CYP2C19: variants seen among roughly 807,000 people sequenced by gnomAD.
CYP2C19 encodes the protein cytochrome P450 2C19.
In CYP2C19, 59 loss-of-function variants were observed where a neutral mutation model predicts 40.9. The observed-to-expected ratio is 1.44, with a 90% CI of 1.17 to 1.79. The LOEUF is 1.79. Ranked by LOEUF, CYP2C19 falls within the 40% of genes most tolerant of loss-of-function variation. The probability of loss-of-function intolerance (pLI) is 0.00; values close to 1 mark genes in which losing one functional copy is unlikely to be tolerated. For missense variants in CYP2C19, 754 were observed against 596.9 expected (o/e 1.26, Z -2.74); for synonymous variants, 253 against 208.7 (o/e 1.21, Z -1.83).
chr10:94,766,781 G>C (rs1564658291), intron 1 of CYP2C19, among the ~76,000 whole-genome samples: 1 of 152,042 alleles, frequency 6.6e-6, no homozygotes, highest in Admixed American at 6.5e-5. Context: ...GGTACTGCAG[G>C]TTCCTCAGGG....
intron 6 of CYP2C19, among the ~76,000 whole-genome samples, chr10:94,828,166 A>G (rs1849262296): frequency 6.6e-6 from 1 of 152,098 alleles, no homozygotes; most frequent in South Asian, 2.1e-4. Flanking sequence ...AGTTCTGTAG[A>G]TGCCTATTAG....
At chr10:94,797,164 C>G (rs1006348938) in intron 5 of CYP2C19, among the ~76,000 whole-genome samples, 14 of 151,884 alleles carry the variant, frequency 9.2e-5, no homozygotes, top group Middle Eastern at 3.2e-3. Context: ...TAGATACGTC[C>G]CATCAATACC....
chr10:94,798,766 T>C (rs946701705), intron 5 of CYP2C19, among the ~76,000 whole-genome samples: 1 of 151,974 alleles, frequency 6.6e-6, no homozygotes, highest in African/African-American at 2.4e-5. Context: ...GTTTTGTTCT[T>C]TGTTGGTTTA....
intron 6 of CYP2C19, among the ~76,000 whole-genome samples, chr10:94,822,476 G>T (rs934998979): frequency 6.6e-6 from 1 of 152,148 alleles, no homozygotes; most frequent in African/African-American, 2.4e-5. Context: ...GTCTACTGTT[G>T]ATGGGCACTT....
chr10:94,780,716 A>G, intron 4 of CYP2C19, 57 bp downstream of exon 4: 1 of 1,591,942 alleles, frequency 6.3e-7, no homozygotes, highest in South Asian at 1.1e-5. Flanking sequence ...TTTCTGGGAA[A>G]TCCAAAATTC....
intron 5 of CYP2C19, among the ~76,000 whole-genome samples, chr10:94,812,322 A>C (rs1286481199): frequency 6.6e-6 from 1 of 151,508 alleles, no homozygotes; most frequent in East Asian, 1.9e-4. Flanking sequence ...CCTTTCTTTT[A>C]ACCTTGGTGA....
At chr10:94,835,600 G>A (rs1394762707) in intron 6 of CYP2C19, among the ~76,000 whole-genome samples, 2 of 151,816 alleles carry the variant, frequency 1.3e-5, no homozygotes, top group Non-Finnish European at 2.9e-5. Flanking sequence ...TTTCCTTTCT[G>A]ATGACCCCAG....
At chr10:94,849,618 C>T (rs1849622022) in intron 7 of CYP2C19, among the ~76,000 whole-genome samples, 1 of 144,028 alleles carries the variant, frequency 6.9e-6, no homozygotes, top group South Asian at 2.4e-4. Context: ...TCTCCTAATG[C>T]TATCCCTCCC....
intron 4 of CYP2C19, among the ~76,000 whole-genome samples, 199 bp downstream of exon 4, chr10:94,780,858 A>C (rs1355385930): frequency 6.6e-6 from 1 of 152,160 alleles, no homozygotes; most frequent in Non-Finnish European, 1.5e-5. Context: ...AATATAGATC[A>C]GGCTTCTAAG....
At chr10:94,799,923 T>C (rs922842267) in intron 5 of CYP2C19, among the ~76,000 whole-genome samples, 9 of 152,258 alleles carry the variant, frequency 5.9e-5, no homozygotes, top group Admixed American at 3.3e-4. Context: ...TCAAGGTTTT[T>C]AGCTTTCTTA....
intron 6 of CYP2C19, among the ~76,000 whole-genome samples, chr10:94,821,888 C>T (rs1849128202): frequency 6.6e-6 from 1 of 151,638 alleles, no homozygotes; most frequent in Non-Finnish European, 1.5e-5. Flanking sequence ...ATTTCATCAC[C>T]CTGGCAGTAA....
chr10:94,829,839 G>A (rs1189426433), intron 6 of CYP2C19, among the ~76,000 whole-genome samples: 3 of 151,702 alleles, frequency 2.0e-5, no homozygotes. Flanking sequence ...TTTTGGTGTG[G>A]ATGTCCTTTC....
At chr10:94,839,284 C>A (rs552933077) in intron 6 of CYP2C19, among the ~76,000 whole-genome samples, 2 of 152,240 alleles carry the variant, frequency 1.3e-5, no homozygotes, top group South Asian at 4.1e-4. Context: ...CCCAACATTG[C>A]CTTTGCACTC....
rs779184961 is a variant in CYP2C19, at chr10:94,782,006, T to C, written c.819+9T>C. 1 of 1,534,068 alleles carries C rather than the reference T, an allele frequency of 6.5e-7. No homozygotes were observed. The highest frequency in any genetic ancestry group is 2.2e-5 in the Admixed American group (1 of 45,460). On this transcript the variant is annotated intron_variant, in intron 5 of 8. Coordinates refer to ENST00000371321, the MANE Select transcript of CYP2C19 (RefSeq NM_000769.4). ...TGATCAAAATGGAGAAGGTAAAATG[T>C]TAACAAAAGCTTAGTTATGTGACTG... is the stretch of plus-strand genomic sequence containing the variant.
At chr10:94,793,470 G>A (rs113532845) in intron 5 of CYP2C19, among the ~76,000 whole-genome samples, 7 of 152,206 alleles carry the variant, frequency 4.6e-5, no homozygotes, top group South Asian at 2.1e-4. Flanking sequence ...TTCTGCTCTC[G>A]TTACTCCCAT....
chr10:94,774,373 T>C (rs1449400324), intron 1 of CYP2C19: 1 of 152,208 alleles, frequency 6.6e-6, no homozygotes, highest in Non-Finnish European at 1.5e-5. Context: ...GTTATGATTA[T>C]TCCTCATAGG....
At chr10:94,821,656 G>A (rs1011481282) in intron 6 of CYP2C19, among the ~76,000 whole-genome samples, 15 of 152,010 alleles carry the variant, frequency 9.9e-5, no homozygotes, top group Non-Finnish European at 2.2e-4. Flanking sequence ...AAAGACTTTC[G>A]GTTATGCTGC....
At chr10:94,768,860 T>C (rs1198048155) in intron 1 of CYP2C19, among the ~76,000 whole-genome samples, 1 of 152,176 alleles carries the variant, frequency 6.6e-6, no homozygotes, top group Non-Finnish European at 1.5e-5. Flanking sequence ...AAGCTTGTAC[T>C]AGGGCCTGCT....
intron 5 of CYP2C19, among the ~76,000 whole-genome samples, chr10:94,798,454 G>C (rs1409725268): frequency 6.6e-6 from 1 of 152,120 alleles, no homozygotes; most frequent in Admixed American, 6.5e-5. Context: ...GTGCTGAGAA[G>C]AATGTATATT....
Sources: allele counts gnomAD v4.1 joint callset (sites outside exome capture counted in the v4.1 genomes callset), GRCh38; gene constraint gnomAD v4.1.1; transcripts MANE v1.5; gene names NCBI Gene and HGNC (gene_info 2026-07-23, HGNC 2026-07-21).